Variants in ICE1 observed in about 807,000 individuals in gnomAD.
ICE1 encodes interactor of little elongation complex ELL subunit 1, also known as little elongation complex subunit 1.
In ICE1, 64 loss-of-function variants were observed where a neutral mutation model predicts 192.7. The ratio of observed to expected loss-of-function variants is 0.33; its 90% CI spans 0.27 to 0.41. ICE1 has a LOEUF of 0.41. Among genes scored for constraint, ICE1 ranks in the 10% least tolerant of loss-of-function variants. The pLI, the probability that ICE1 is intolerant of heterozygous loss-of-function variation, is 1.00. For synonymous variants in ICE1, 1,010 were observed against 984.5 expected (o/e 1.03, Z -0.49); for missense variants, 2,708 against 2,696.0 (o/e 1.00, Z -0.10).
At position 5,461,940 on chromosome 5, in the gene ICE1, A is replaced by C; in HGVS notation, c.2606A>C (p.Lys869Thr). ...SVITKQTRPEKVQSAKLEHLR... is the reference protein window; with the variant it reads ...SVITKQTRPETVQSAKLEHLR... The stretch of plus-strand genomic sequence containing the variant: ...ATCACAAAACAGACAAGACCTGAAA[A>C]GGTTCAGAGTGCCAAATTGGAACAC... The change falls in exon 13 of 19, where the codon AAG becomes ACG. Residue 869 changes from lysine to threonine, a missense_variant. By Grantham distance (78) the Lys-to-Thr change is moderately conservative. Around this residue, in one of 2 missense-constraint regions of ICE1, gnomAD observed 2,366 missense variants for 2,276.6 expected, o/e 1.04. Coordinates refer to ENST00000296564, the MANE Select transcript of ICE1 (RefSeq NM_015325.3). 6.2e-7 allele frequency: 1 copy of C among 1,613,934 alleles called. No homozygotes were observed. The highest frequency in any genetic ancestry group is 1.1e-5 in the South Asian group (1 of 91,084).
At chr5:5,483,825 T>C (rs1739571096) in intron 17 of ICE1, among the ~76,000 whole-genome samples, 1 of 152,228 alleles carries the variant, frequency 6.6e-6, no homozygotes, top group African/African-American at 2.4e-5. Flanking sequence ...AAGTAGCCAT[T>C]ATTCAGTGAT....
At chr5:5,439,730 T>C (rs191972314) in intron 3 of ICE1, among the ~76,000 whole-genome samples, 165 bp from the exon 4 acceptor site, 1 of 152,360 alleles carries the variant, frequency 6.6e-6, no homozygotes, top group Admixed American at 6.5e-5. Context: ...TAAAAAGACT[T>C]ACCACTGTGT....
intron 7 of ICE1, among the ~76,000 whole-genome samples, chr5:5,446,837 T>G (rs571646011): frequency 6.6e-6 from 1 of 152,180 alleles, no homozygotes; most frequent in East Asian, 1.9e-4. Context: ...AGCATAGTTA[T>G]GTAAAGTCAG....
intron 14 of ICE1, among the ~76,000 whole-genome samples, chr5:5,467,672 T>C (rs1310211372): frequency 2.6e-5 from 4 of 152,232 alleles, no homozygotes; most frequent in Non-Finnish European, 4.4e-5. Flanking sequence ...TACTCTGAAG[T>C]GTCACCAGAT....
In ICE1 at chr5:5,464,898, C is replaced by T; in HGVS notation, c.5564C>T (p.Pro1855Leu). Residue 1855 changes from proline (P) to leucine (L), a missense_variant, in exon 13 of 19, where the codon CCA (proline) becomes CTA (leucine). By Grantham distance (98) the Pro-to-Leu change is moderately conservative. Transcript: ENST00000296564. The surrounding 1 kb of genome is among the most constrained non-coding windows in gnomAD (Gnocchi z 4.0). ...AKRLRLDTGSPEPETRGVTAE... is the reference protein window; with the variant it reads ...AKRLRLDTGSLEPETRGVTAE... The stretch of plus-strand genomic sequence containing the variant: ...AGACTGCGCCTGGACACTGGGTCCC[C>T]AGAACCAGAAACCAGGGGAGTCACT... The T allele has an allele frequency of 6.2e-7, 1 of 1,613,374 alleles. No individual in the cohort carries two copies. The highest frequency in any genetic ancestry group is 8.5e-7 in the Non-Finnish European group (1 of 1,179,594).
In ICE1 at chr5:5,489,217, G is replaced by A; in HGVS notation, c.6688G>A (p.Glu2230Lys). 1 of 1,613,972 alleles carries A rather than the reference G, an allele frequency of 6.2e-7. No homozygotes were observed. The highest frequency in any genetic ancestry group is 8.5e-7 in the Non-Finnish European group (1 of 1,179,890). ...LCDLSPSNPA[E>K]ISKILEAWRR... The stretch of plus-strand genomic sequence containing the variant: ...TGACTTGAGTCCCAGCAATCCAGCA[G>A]AAATTTCCAAGATCCTGGAAGCTTG... Residue 2230 changes from glutamate to lysine, a missense_variant, in exon 19 of 19, where the codon GAA becomes AAA. Glu to Lys is a moderately conservative substitution (Grantham distance 56). Transcript: ENST00000296564.
intron 1 of ICE1, among the ~76,000 whole-genome samples, chr5:5,435,673 GTTTTGTT>G (rs138891799): frequency 2.9e-4 from 17 of 59,280 alleles, no homozygotes; most frequent in African/African-American, 3.2e-4. Context: ...TTTTTTTTTT[GTTTTGTT>G]TTTGTTTTTT....
At chr5:5,454,704 C>A in intron 11 of ICE1, 66 bp downstream of exon 11, 2 of 1,179,818 alleles carry the variant, frequency 1.7e-6, no homozygotes, top group South Asian at 1.3e-5. Flanking sequence ...ATAGGCATAG[C>A]AGCCGTTACT....
At chr5:5,432,754 G>T (rs1214469628) in intron 1 of ICE1, among the ~76,000 whole-genome samples, 1 of 152,130 alleles carries the variant, frequency 6.6e-6, no homozygotes, top group Non-Finnish European at 1.5e-5. Flanking sequence ...AATTTTAAGA[G>T]CTCTGAATAT....
intron 4 of ICE1, among the ~76,000 whole-genome samples, chr5:5,440,162 C>T (rs145588731): frequency 1.3e-5 from 2 of 152,216 alleles, no homozygotes; most frequent in Non-Finnish European, 2.9e-5. Flanking sequence ...GTAACTTGTA[C>T]TGACTGCATT....
chr5:5,464,605 A>C lies in ICE1; in HGVS notation c.5271A>C (p.Pro1757=), dbSNP rs773833845. ...TGAAAATCCTTGACACCATGTATCC[A>C]GAGTTATCTGCCAGGGCCCGGACCC... ...NSVKILDTMY[P]ELSARARTLN... The change falls in exon 13 of 19, where the codon CCA becomes CCC. Residue 1757 remains proline (P), a synonymous_variant. Transcript: ENST00000296564. This position sits in a 1 kb window ranked among gnomAD's most constrained non-coding sequence, Gnocchi z 4.0. 5 of 1,611,712 alleles carry C rather than the reference A, an allele frequency of 3.1e-6. No individual in the cohort carries two copies. In the East Asian group the frequency reaches 8.9e-5, roughly 29 times the overall value.
chr5:5,469,158 T>A (rs973059706), intron 15 of ICE1, among the ~76,000 whole-genome samples, 170 bp downstream of exon 15: 1 of 152,236 alleles, frequency 6.6e-6, no homozygotes, highest in Non-Finnish European at 1.5e-5. Flanking sequence ...TAATTAAGAA[T>A]GCATGAGACA....
chr5:5,488,750 AT>A (rs1221532494), intron 18 of ICE1, among the ~76,000 whole-genome samples: 9 of 152,198 alleles, frequency 5.9e-5, no homozygotes, highest in African/African-American at 2.2e-4. Context: ...CTTCCCGTGG[AT>A]ATCTCATAGA....
intron 10 of ICE1, among the ~76,000 whole-genome samples, chr5:5,448,741 CT>C (rs941812192): frequency 6.6e-6 from 1 of 151,764 alleles, no homozygotes; most frequent in Non-Finnish European, 1.5e-5. Context: ...TCACCTTTAC[CT>C]TTTTTTCTTT....
At chr5:5,438,514 A>G (rs1253533515) in intron 3 of ICE1, among the ~76,000 whole-genome samples, 1 of 152,260 alleles carries the variant, frequency 6.6e-6, no homozygotes, top group African/African-American at 2.4e-5. Context: ...CTATACGTGC[A>G]TATTATGGCA....
At chr5:5,467,955 A>G (rs969886840) in intron 14 of ICE1, among the ~76,000 whole-genome samples, 1 of 152,214 alleles carries the variant, frequency 6.6e-6, no homozygotes, top group Non-Finnish European at 1.5e-5. Flanking sequence ...ATCATTACAT[A>G]AACTAGCACG....
intron 18 of ICE1, 40 bp downstream of exon 18, chr5:5,486,859 G>T: frequency 1.4e-6 from 2 of 1,462,412 alleles, no homozygotes; most frequent in Non-Finnish European, 1.9e-6. Flanking sequence ...TAAGTAACTT[G>T]TGTTTCTCAT....
chr5:5,447,820 G>A lies in ICE1; in HGVS notation c.548-21G>A, dbSNP rs189046084. 2.4e-4 allele frequency: 374 copies of A among 1,573,192 alleles called. 1 individual carries two copies. In the African/African-American group the frequency reaches 4.0e-3, roughly 17 times the overall value. On this transcript the variant is annotated intron_variant, in intron 9 of 18. Coordinates refer to ENST00000296564, the MANE Select transcript of ICE1 (RefSeq NM_015325.3). ...TTTGATATGTAGTATTTTATTAACCGTTTTTTCCCCATGCTTTTAGAGTTG... is the reference window on the plus strand; with the variant it reads ...TTTGATATGTAGTATTTTATTAACCATTTTTTCCCCATGCTTTTAGAGTTG...
chr5:5,473,435 TA>T, intron 15 of ICE1, 122 bp from the exon 16 acceptor site: 1 of 838,512 alleles, frequency 1.2e-6, no homozygotes, highest in South Asian at 1.8e-5. Context: ...CAAACTGTTT[TA>T]AAAAGCTATT....
Sources: allele counts gnomAD v4.1 joint callset (sites outside exome capture counted in the v4.1 genomes callset), GRCh38; gene constraint gnomAD v4.1.1; regional missense constraint gnomAD v4.1.1; non-coding constraint Gnocchi (gnomAD v3.1); transcripts MANE v1.5; gene names NCBI Gene and HGNC (gene_info 2026-07-23, HGNC 2026-07-21).